Variants in CEP83 observed in about 807,000 individuals in gnomAD.
CEP83 encodes centrosomal protein 83, also known as centrosomal protein of 83 kDa.
In CEP83, 70 loss-of-function variants were observed where a neutral mutation model predicts 101.9. That is an observed-to-expected ratio of 0.69 (90% CI 0.57 to 0.84). The LOEUF (loss-of-function observed/expected upper bound fraction) is 0.84, where lower values mean the gene tolerates loss of function less well. CEP83 is among the 40% of genes least tolerant of loss of function. The pLI, the probability that CEP83 is intolerant of heterozygous loss-of-function variation, is 0.00. For synonymous variants in CEP83, 264 were observed against 267.9 expected, an observed-to-expected ratio of 0.99 and a Z score of 0.14; for missense variants, 715 against 787.2, an observed-to-expected ratio of 0.91 and a Z score of 1.10.
intron 2 of CEP83, among the ~76,000 whole-genome samples, chr12:94,417,586 C>T (rs151004395): frequency 0.052 from 7,880 of 152,044 alleles, 229 homozygotes; most frequent in Non-Finnish European, 0.072. Flanking sequence ...GTCAGGAGTT[C>T]GAGACCAGCC....
At chr12:94,356,463 G>A (rs1181263186) in intron 11 of CEP83, among the ~76,000 whole-genome samples, 1 of 152,152 alleles carries the variant, frequency 6.6e-6, no homozygotes, top group Non-Finnish European at 1.5e-5. Flanking sequence ...GTGAAAAATA[G>A]CTGCCCCAGT....
intron 11 of CEP83, among the ~76,000 whole-genome samples, chr12:94,351,312 C>T (rs2060187153): frequency 6.6e-6 from 1 of 152,100 alleles, no homozygotes; most frequent in Admixed American, 6.5e-5. Context: ...GCTTGGAGTC[C>T]ACATGGTTAC....
chr12:94,295,538 A>G, the CEP83 span, among the ~76,000 whole-genome samples: 1 of 152,102 alleles, frequency 6.6e-6, no homozygotes, highest in South Asian at 2.1e-4. Flanking sequence ...CAGTCAGTCA[A>G]CACTGCTGCT....
intron 2 of CEP83, among the ~76,000 whole-genome samples, chr12:94,420,968 T>C (rs1218951399): frequency 6.6e-6 from 1 of 152,126 alleles, no homozygotes; most frequent in Non-Finnish European, 1.5e-5. Flanking sequence ...TGTGGATATA[T>C]GGAGGTTTGC....
chr12:94,398,978 C>A (rs921266571), intron 6 of CEP83, among the ~76,000 whole-genome samples: 1 of 152,180 alleles, frequency 6.6e-6, no homozygotes. Flanking sequence ...GTTCTCTGCT[C>A]TCGAACTCTG....
the CEP83 span, among the ~76,000 whole-genome samples, chr12:94,270,647 G>T: frequency 0.019 from 2,954 of 152,038 alleles, 34 homozygotes; most frequent in South Asian, 0.046. Context: ...GTTATCTTGG[G>T]CTAAATCAGA....
chr12:94,357,429 C>CA (rs1349594493), intron 11 of CEP83, among the ~76,000 whole-genome samples: 3 of 152,054 alleles, frequency 2.0e-5, no homozygotes, highest in East Asian at 3.8e-4. Flanking sequence ...GAAATATGTC[C>CA]AAAATGTAAA....
At chr12:94,399,900 C>A (rs2063150878) in intron 6 of CEP83, among the ~76,000 whole-genome samples, 1 of 152,146 alleles carries the variant, frequency 6.6e-6, no homozygotes, top group East Asian at 1.9e-4. Flanking sequence ...TCAATGGACA[C>A]AAATGTTCCA....
intron 11 of CEP83, among the ~76,000 whole-genome samples, chr12:94,354,613 A>AT (rs1266216483): frequency 1.3e-5 from 2 of 152,240 alleles, no homozygotes; most frequent in African/African-American, 4.8e-5. Flanking sequence ...CAACAGCAGT[A>AT]TAAAACTAGA....
At chr12:94,370,519 G>A (rs2061252549) in intron 8 of CEP83, among the ~76,000 whole-genome samples, 1 of 152,090 alleles carries the variant, frequency 6.6e-6, no homozygotes, top group African/African-American at 2.4e-5. Flanking sequence ...CAGGACTATA[G>A]GTGCACACCA....
At chr12:94,420,281 T>C (rs1399627342) in intron 2 of CEP83, among the ~76,000 whole-genome samples, 1 of 152,228 alleles carries the variant, frequency 6.6e-6, no homozygotes, top group Non-Finnish European at 1.5e-5. Context: ...CTCCTGGGCA[T>C]ATATCCACTT....
At chr12:94,322,185 GC>G (rs1459163108) in intron 14 of CEP83, among the ~76,000 whole-genome samples, 2 of 152,134 alleles carry the variant, frequency 1.3e-5, no homozygotes, top group Non-Finnish European at 2.9e-5. Context: ...CCATAGGGTA[GC>G]CATGCTTTGC....
chr12:94,442,252 A>C (rs964628653), intron 1 of CEP83, among the ~76,000 whole-genome samples: 7 of 152,198 alleles, frequency 4.6e-5, no homozygotes, highest in African/African-American at 1.7e-4. Flanking sequence ...CCATTATTCT[A>C]ACTGAAGTAA....
chr12:94,415,173 G>A (rs1370689650), intron 2 of CEP83, among the ~76,000 whole-genome samples: 1 of 152,048 alleles, frequency 6.6e-6, no homozygotes, highest in Non-Finnish European at 1.5e-5. Context: ...AAAAAACTAT[G>A]AGAATGTATT....
At chr12:94,302,767 T>G (rs2136233752), downstream of CEP83, among the ~76,000 whole-genome samples, 1 of 152,326 alleles carries the variant, frequency 6.6e-6, no homozygotes, top group Admixed American at 6.5e-5. Flanking sequence ...TGCTAATTAT[T>G]TGTATCATAG....
intron 1 of CEP83, among the ~76,000 whole-genome samples, chr12:94,444,807 G>A (rs897444542): frequency 2.6e-5 from 4 of 152,120 alleles, no homozygotes; most frequent in Non-Finnish European, 2.9e-5. Flanking sequence ...AGATCAGCCT[G>A]GGCAACATAG....
chr12:94,288,538 C>T, the CEP83 span, among the ~76,000 whole-genome samples: 1 of 152,210 alleles, frequency 6.6e-6, no homozygotes, highest in Non-Finnish European at 1.5e-5. Flanking sequence ...GGCATTTTCT[C>T]TGGTTTCCAG....
chr12:94,419,439 A>C (rs1174691394), intron 2 of CEP83, among the ~76,000 whole-genome samples: 1 of 152,164 alleles, frequency 6.6e-6, no homozygotes, highest in African/African-American at 2.4e-5. Context: ...CAATCTACAG[A>C]TGATGTGATA....
intron 11 of CEP83, among the ~76,000 whole-genome samples, chr12:94,357,504 G>A (rs2060536542): frequency 6.6e-6 from 1 of 152,180 alleles, no homozygotes; most frequent in Non-Finnish European, 1.5e-5. Flanking sequence ...CCGATTTCGG[G>A]AAATGCCATG....
Sources: gnomAD v4.1 joint callset for allele counts (sites outside exome capture counted in the v4.1 genomes callset) on GRCh38, gnomAD v4.1.1 for gene constraint, MANE v1.5 for transcripts, NCBI Gene and HGNC (gene_info 2026-07-23, HGNC 2026-07-21) for gene names.